Variants in CDKN2B-AS1 observed in about 807,000 individuals in gnomAD.
The protein encoded by CDKN2B-AS1 is CDKN2B and CDKN2A antisense cis and trans regulatory RNA 1, also known as CDKN2B antisense RNA 1 (non-protein coding).
intron 3 of CDKN2B-AS1, among the ~76,000 whole-genome samples, chr9:22,051,714 A>G (rs1257901228): frequency 6.6e-6 from 1 of 152,144 alleles, no homozygotes; most frequent in Non-Finnish European, 1.5e-5. Flanking sequence ...ATTTCATAAA[A>G]AGTTGGAGAT....
intron 1 of CDKN2B-AS1, among the ~76,000 whole-genome samples, chr9:22,013,217 C>T (rs1032591443): frequency 6.6e-6 from 1 of 152,124 alleles, no homozygotes; most frequent in Admixed American, 6.5e-5. Flanking sequence ...TCTTTAAGGG[C>T]TCTATTTCCA....
chr9:22,022,446 C>G (rs1275695553), intron 1 of CDKN2B-AS1, among the ~76,000 whole-genome samples: 1 of 151,932 alleles, frequency 6.6e-6, no homozygotes, highest in Admixed American at 6.6e-5. Flanking sequence ...GGTTTAAAGT[C>G]TGTTTTGTCA....
intron 1 of CDKN2B-AS1, among the ~76,000 whole-genome samples, chr9:22,034,075 T>A (rs1269254724): frequency 6.6e-6 from 1 of 152,210 alleles, no homozygotes; most frequent in Non-Finnish European, 1.5e-5. Context: ...ATATGAAAGA[T>A]GGTGAATAGA....
chr9:22,075,904 T>G (rs965470792), intron 4 of CDKN2B-AS1, among the ~76,000 whole-genome samples: 5 of 152,154 alleles, frequency 3.3e-5, no homozygotes, highest in Admixed American at 3.3e-4. Context: ...GGGGCTCTGC[T>G]CAAATCTTTG....
intron 1 of CDKN2B-AS1, among the ~76,000 whole-genome samples, chr9:22,034,998 T>A (rs775012819): frequency 6.6e-6 from 1 of 152,144 alleles, no homozygotes; most frequent in Non-Finnish European, 1.5e-5. Context: ...TTTTCTCATA[T>A]GTAAAATGGG....
chr9:22,107,622 C>T (rs563513042), intron 4 of CDKN2B-AS1, among the ~76,000 whole-genome samples: 11 of 152,144 alleles, frequency 7.2e-5, no homozygotes, highest in Non-Finnish European at 1.6e-4. Flanking sequence ...GGCCTTGGAG[C>T]GGATGACCTA....
In CDKN2B-AS1 at chr9:21,999,781, A is replaced by G. The variant is rs533060934; in HGVS notation, n.29+4620A>G. Among the ~76,000 whole-genome samples, 1 of 152,166 alleles carries G rather than the reference A, an allele frequency of 6.6e-6. No homozygotes were observed. Among genetic ancestry groups the G allele is most frequent in the Non-Finnish European group, 1.5e-5 (1 of 67,994 alleles). On this transcript the variant is annotated intron_variant and non_coding_transcript_variant, in intron 1 of 4. Transcript: ENST00000650946. The surrounding 1 kb of genome is among the most constrained non-coding windows in gnomAD (Gnocchi z 4.7). ...CATTCATAAAATAATAAAACTGTGC[A>G]TCCATAAACAATAATGAAGCACATC...
chr9:22,090,026 G>A (rs1467324494), intron 4 of CDKN2B-AS1, among the ~76,000 whole-genome samples: 2 of 131,686 alleles, frequency 1.5e-5, no homozygotes, highest in East Asian at 4.5e-4. Flanking sequence ...CCCTTCCTGT[G>A]TCCATTTGTT....
chr9:22,037,025 ATTGT>A (rs1348098797), intron 1 of CDKN2B-AS1, among the ~76,000 whole-genome samples: 1 of 151,860 alleles, frequency 6.6e-6, no homozygotes. Context: ...CCCTCATATA[ATTGT>A]TTGTGTACAT....
At chr9:22,064,835 A>G (rs1299406218) in intron 4 of CDKN2B-AS1, among the ~76,000 whole-genome samples, 1 of 152,190 alleles carries the variant, frequency 6.6e-6, no homozygotes, top group Non-Finnish European at 1.5e-5. Context: ...GCCTAACGAC[A>G]AACCTAAAAG....
chr9:22,085,973 C>A (rs1019556821), intron 4 of CDKN2B-AS1, among the ~76,000 whole-genome samples: 54 of 151,882 alleles, frequency 3.6e-4, no homozygotes, highest in African/African-American at 1.3e-3. Context: ...CACAAACCCT[C>A]GAGAGGCAGG....
intron 4 of CDKN2B-AS1, among the ~76,000 whole-genome samples, chr9:22,122,647 G>A (rs1826125073): frequency 6.6e-6 from 1 of 152,042 alleles, no homozygotes; most frequent in South Asian, 2.1e-4. Context: ...ATTCGTTGAG[G>A]AGACTGTCCT....
At position 21,997,827 on chromosome 9, in the gene CDKN2B-AS1, T is replaced by G. The variant is rs995311649; in HGVS notation, n.29+2666T>G. 6.6e-6 allele frequency among the ~76,000 whole-genome samples: 1 copy of G among 152,262 alleles called. No homozygotes were observed. The highest frequency in any genetic ancestry group is 2.1e-4 in the South Asian group (1 of 4,828). On this transcript the variant is annotated intron_variant and non_coding_transcript_variant, in intron 1 of 4. Transcript: ENST00000650946. The surrounding 1 kb of genome is among the most constrained non-coding windows in gnomAD (Gnocchi z 4.8). ...CACTGGGTACCACAGCCTAGCCAAG[T>G]TGACATACCAAATTAACTGTCACAT...
At chr9:22,065,908 G>T (rs1305753298) in intron 4 of CDKN2B-AS1, among the ~76,000 whole-genome samples, 2 of 152,160 alleles carry the variant, frequency 1.3e-5, no homozygotes, top group Non-Finnish European at 2.9e-5. Flanking sequence ...TGTACCCGTA[G>T]CTCTTTGTTC....
At chr9:22,068,848 C>T (rs1824173640) in intron 4 of CDKN2B-AS1, among the ~76,000 whole-genome samples, 1 of 152,186 alleles carries the variant, frequency 6.6e-6, no homozygotes, top group South Asian at 2.1e-4. Flanking sequence ...TCAACCTGTT[C>T]AATGGGCTTT....
rs528242265 is a variant in CDKN2B-AS1 at position 22,004,026 on chromosome 9, C to A, written n.29+8865C>A. ...CATCCATGGAATGAATATCTTGTAA[C>A]CTTTGGCAAGTTACTTGATATTTCT... On this transcript the variant is annotated intron_variant and non_coding_transcript_variant, in intron 1 of 4. Transcript: ENST00000650946. The A allele has an allele frequency of 3.4e-5, 8 of 232,710 alleles. No homozygotes were observed. In the South Asian group the frequency reaches 1.3e-3, roughly 37 times the overall value. 14.4% of individuals were successfully genotyped at this position (232,710 alleles called of 1,614,324 possible).
rs985248225 is a variant in CDKN2B-AS1 at position 22,094,093 on chromosome 9, A to C, written n.439-33010A>C. 1.4e-5 allele frequency among the ~76,000 whole-genome samples: 2 copies of C among 143,940 alleles called. 1 individual carries two copies. The highest frequency in any genetic ancestry group is 3.0e-5 in the Non-Finnish European group (2 of 67,762). 94.4% of individuals were successfully genotyped at this position (143,940 alleles called of 152,430 possible). A position where few individuals can be genotyped will look rare whatever the true frequency, so the allele number is the denominator to read the frequency against. On this transcript the variant is annotated intron_variant and non_coding_transcript_variant, in intron 4 of 4. Coordinates refer to ENST00000650946, the Ensembl canonical transcript of CDKN2B-AS1. ...CACTTATGAAGCTTAGTTTGGCTGG[A>C]TATGAAATTCTGGGTTGAAAATTCT... is the stretch of plus-strand genomic sequence containing the variant.
At chr9:22,036,064 C>T (rs1457731900) in intron 1 of CDKN2B-AS1, among the ~76,000 whole-genome samples, 1 of 152,078 alleles carries the variant, frequency 6.6e-6, no homozygotes, top group African/African-American at 2.4e-5. Flanking sequence ...CCGTTTTTCA[C>T]CTTTCTTTTT....
At chr9:22,011,520 T>C (rs1190417337) in intron 1 of CDKN2B-AS1, among the ~76,000 whole-genome samples, 1 of 152,186 alleles carries the variant, frequency 6.6e-6, no homozygotes, top group Non-Finnish European at 1.5e-5. Flanking sequence ...TTGTTGGAGG[T>C]GGGTATAACT....
Sources: allele counts gnomAD v4.1 joint callset (sites outside exome capture counted in the v4.1 genomes callset), GRCh38; gene constraint gnomAD v4.1.1; non-coding constraint Gnocchi (gnomAD v3.1); transcripts MANE v1.5; gene names NCBI Gene and HGNC (gene_info 2026-07-23, HGNC 2026-07-21).